Variants in DACT2 observed in about 807,000 individuals in gnomAD.
DACT2 encodes dishevelled binding antagonist of beta catenin 2, also known as dapper homolog 2.
Under a neutral mutation model 22.2 loss-of-function variants are expected in DACT2, and 20 were observed. That is an observed-to-expected ratio of 0.90 (90% CI 0.63 to 1.31). The LOEUF (loss-of-function observed/expected upper bound fraction) is 1.31. Ranked by LOEUF, DACT2 falls within the 50% of genes most tolerant of loss-of-function variation. The pLI is 0.00. For synonymous variants in DACT2, 463 were observed against 479.8 expected (o/e 0.96, Z 0.46); for missense variants, 1,048 against 1,061.4 (o/e 0.99, Z 0.18).
Position 168,307,967 on chromosome 6 carries a change from A to C in DACT2, c.1790T>G (p.Leu597Arg). The change falls in exon 4 of 4, where the codon CTG becomes CGG. Residue 597 changes from leucine (L) to arginine (R), a missense_variant. Leu to Arg is a moderately radical substitution (Grantham distance 102, BLOSUM62 -2). Transcript: ENST00000366795. The surrounding 1 kb of genome is among the most constrained non-coding windows in gnomAD (Gnocchi z 5.3). ...AQALFPFEAS[L>R]LTSVARRKHR... ...CTTCCTCCTGGCCACTGAGGTGAGCAGTGACGCCTCAAAGGGGAACAGGGC... is the reference window on the plus strand; with the variant it reads ...CTTCCTCCTGGCCACTGAGGTGAGCCGTGACGCCTCAAAGGGGAACAGGGC... 1 of 1,550,980 alleles carries C rather than the reference A, an allele frequency of 6.4e-7. No homozygotes were observed. Among genetic ancestry groups the C allele is most frequent in the Non-Finnish European group, 8.7e-7 (1 of 1,146,888 alleles).
At chr6:168,293,119 G>A (rs978773965) in exon 6 of DACT2, 4 of 152,142 alleles carry the variant, frequency 2.6e-5, no homozygotes, top group African/African-American at 7.2e-5. Flanking sequence ...TGAGAAGACC[G>A]GCCATTAGCT....
intron 1 of DACT2, among the ~76,000 whole-genome samples, chr6:168,313,396 A>G (rs935466552): frequency 6.6e-6 from 1 of 152,178 alleles, no homozygotes; most frequent in African/African-American, 2.4e-5. Flanking sequence ...CCAATCCTGA[A>G]TTTAATCAAA....
chr6:168,313,362 C>T (rs921828602), intron 1 of DACT2, among the ~76,000 whole-genome samples: 1 of 152,196 alleles, frequency 6.6e-6, no homozygotes, highest in African/African-American at 2.4e-5. Flanking sequence ...ATAATATTAT[C>T]TGTGAATGTG....
chr6:168,294,454 T>C (rs996694452), intron 4 of DACT2, among the ~76,000 whole-genome samples: 1 of 143,932 alleles, frequency 6.9e-6, no homozygotes, highest in Non-Finnish European at 1.5e-5. Context: ...CTTCCCCTGA[T>C]GCTATCCCTC....
At chr6:168,296,747 C>G (rs566348054) in intron 3 of DACT2, among the ~76,000 whole-genome samples, 5 of 152,342 alleles carry the variant, frequency 3.3e-5, no homozygotes, top group African/African-American at 1.2e-4. Flanking sequence ...TGCATAGGAG[C>G]TCTACAAATA....
At chr6:168,306,653 T>C (rs1779214162), downstream of DACT2, among the ~76,000 whole-genome samples, 2 of 151,868 alleles carry the variant, frequency 1.3e-5, no homozygotes, top group Admixed American at 1.3e-4. Flanking sequence ...GGTTTCACCA[T>C]GTTGGCCAGG....
rs1562496295 is a variant in DACT2 at position 168,308,825 on chromosome 6, G to A, written c.932C>T (p.Pro311Leu). Reference sequence around the variant, plus strand: ...AGTCTGGATGGTGTTCAGACCTGCGGGGCCCCTGGGGCTCTCCCTAGGGAA... The same window carrying A: ...AGTCTGGATGGTGTTCAGACCTGCGAGGCCCCTGGGGCTCTCCCTAGGGAA... The part of the protein sequence containing the change: ...PSFPRESPRG[P>L]AGLNTIQTGP... The change falls in exon 4 of 4, where the codon CCC (proline) becomes CTC (leucine). Residue 311 changes from proline to leucine, a missense_variant. By Grantham distance (98) the Pro-to-Leu change is moderately conservative. Transcript: ENST00000366795. 1 of 1,551,188 alleles carries A rather than the reference G, an allele frequency of 6.4e-7. No homozygotes were observed. The highest frequency in any genetic ancestry group is 8.7e-7 in the Non-Finnish European group (1 of 1,146,970).
At chr6:168,309,859 C>T (rs1204492765) in intron 3 of DACT2, among the ~76,000 whole-genome samples, 1 of 152,178 alleles carries the variant, frequency 6.6e-6, no homozygotes, top group Non-Finnish European at 1.5e-5. Flanking sequence ...GCGCTTTCAA[C>T]CCCACTCTCA....
intron 2 of DACT2, 43 bp from the exon 3 acceptor site, chr6:168,310,489 A>G (rs1368865732): frequency 6.5e-7 from 1 of 1,529,164 alleles, no homozygotes; most frequent in Non-Finnish European, 8.8e-7. Flanking sequence ...CCCATCCAGA[A>G]AAGCCCAGGG....
intron 1 of DACT2, among the ~76,000 whole-genome samples, chr6:168,311,560 T>TC (rs1562498436): frequency 0.13 from 4,936 of 37,378 alleles, 348 homozygotes; most frequent in African/African-American, 0.34. Context: ...ATACACACAC[T>TC]CACACACAAA....
Position 168,311,196 on chromosome 6 carries a change from G to A in DACT2, c.335C>T (p.Thr112Ile), listed in dbSNP as rs751957011. 23 of 1,549,384 alleles carry A rather than the reference G, an allele frequency of 1.5e-5. No individual in the cohort carries two copies. Among genetic ancestry groups the A allele is most frequent in the Non-Finnish European group, 2.0e-5 (23 of 1,145,596 alleles). Reference protein sequence around the residue: ...QISKLQLDVGTASGEALDSDS... With the variant: ...QISKLQLDVGIASGEALDSDS... ...GCTGTCCAGGGCCTCCCCTGAGGCT[G>A]TGCCCACATCCAGCTGCAGCTTGCT... Residue 112 changes from threonine (T) to isoleucine (I), a missense_variant, in exon 2 of 4, where the codon ACA becomes ATA. Physicochemically the swap from Thr to Ile is moderately conservative, Grantham distance 89. Coordinates refer to ENST00000366795, the MANE Select transcript of DACT2 (RefSeq NM_214462.5).
chr6:168,311,367 G>C, intron 1 of DACT2, 83 bp from the exon 2 acceptor site: 2 of 1,416,628 alleles, frequency 1.4e-6, no homozygotes, highest in Non-Finnish European at 1.9e-6. Context: ...AACATGCATT[G>C]TGAATGCAAT....
chr6:168,315,113 G>T (rs1430962848), intron 1 of DACT2, among the ~76,000 whole-genome samples: 1 of 152,210 alleles, frequency 6.6e-6, no homozygotes, highest in African/African-American at 2.4e-5. Flanking sequence ...GTGGGAAGCT[G>T]CCAGGGAAAA....
chr6:168,297,892 C>T (rs773046936), intron 3 of DACT2, among the ~76,000 whole-genome samples: 27 of 152,206 alleles, frequency 1.8e-4, no homozygotes, highest in African/African-American at 5.8e-4. Flanking sequence ...GTGGAGGTGT[C>T]GGCGCAGCCC....
In DACT2 at chr6:168,309,079, C is replaced by G. The variant is rs1779320397; in HGVS notation, c.678G>C (p.Leu226=). 1 of 1,532,622 alleles carries G rather than the reference C, an allele frequency of 6.5e-7. No individual in the cohort carries two copies. Among genetic ancestry groups the G allele is most frequent in the African/African-American group, 1.4e-5 (1 of 72,946 alleles). The allele number at this position is 1,532,622 out of a possible 1,614,324, so 94.9% of individuals were successfully genotyped here. The change falls in exon 4 of 4, where the codon CTG becomes CTC. Residue 226 remains leucine, a synonymous_variant. Coordinates refer to ENST00000366795, the MANE Select transcript of DACT2 (RefSeq NM_214462.5). ...PVSTGDLDRA[L]PADTGLQKAS... ...CTTTCTGGAGCCCCGTGTCCGCCGG[C>G]AGGGCTCTGTCAAGATCACCTGGGA...
At chr6:168,316,279 G>A (rs1009871902) in intron 1 of DACT2, among the ~76,000 whole-genome samples, 45 of 147,068 alleles carry the variant, frequency 3.1e-4, no homozygotes, top group Admixed American at 6.0e-4. Flanking sequence ...TGTGTAACAC[G>A]TCTGTGGCTG....
Position 168,307,359 on chromosome 6 carries a change from C to G in DACT2, c.*73G>C, listed in dbSNP as rs1156574327. 5.9e-6 allele frequency: 9 copies of G among 1,513,626 alleles called. No individual in the cohort carries two copies. Among genetic ancestry groups the G allele is most frequent in the African/African-American group, 1.4e-5 (1 of 71,248 alleles). 93.8% of individuals were successfully genotyped at this position (1,513,626 alleles called of 1,614,324 possible). On this transcript the variant is annotated 3_prime_UTR_variant, in exon 4 of 4. Coordinates refer to ENST00000366795, the MANE Select transcript of DACT2 (RefSeq NM_214462.5). This position sits in a 1 kb window ranked among gnomAD's most constrained non-coding sequence, Gnocchi z 5.3. Reference sequence around the variant, plus strand: ...GACTTGGCAAGACGACACTGAAACCCAGACATGCACAGGACACTGCATGGA... The same window carrying G: ...GACTTGGCAAGACGACACTGAAACCGAGACATGCACAGGACACTGCATGGA...
At chr6:168,310,861 G>A (rs771156028) in intron 2 of DACT2, among the ~76,000 whole-genome samples, 2 of 152,164 alleles carry the variant, frequency 1.3e-5, no homozygotes, top group African/African-American at 4.8e-5. Flanking sequence ...GTCTGGGGAG[G>A]TGCTTCAGCC....
chr6:168,314,764 T>A (rs1399266683), intron 1 of DACT2, among the ~76,000 whole-genome samples: 3 of 152,162 alleles, frequency 2.0e-5, no homozygotes, highest in Non-Finnish European at 4.4e-5. Flanking sequence ...CCCTGAGAGC[T>A]AGGATGCACA....
Sources: allele counts gnomAD v4.1 joint callset (sites outside exome capture counted in the v4.1 genomes callset), GRCh38; gene constraint gnomAD v4.1.1; non-coding constraint Gnocchi (gnomAD v3.1); transcripts MANE v1.5; gene names NCBI Gene and HGNC (gene_info 2026-07-23, HGNC 2026-07-21).